DIMT1: variants seen among roughly 807,000 people sequenced by gnomAD.
The protein encoded by DIMT1 is dimethyladenosine transferase.
In DIMT1, 36 loss-of-function variants were observed where a neutral mutation model predicts 43.2. That is an observed-to-expected ratio of 0.83 (90% CI 0.64 to 1.10). DIMT1 has a LOEUF of 1.10. Among genes scored for constraint, DIMT1 ranks in the 50% least tolerant of loss-of-function variants. The pLI is 0.00. For synonymous variants in DIMT1, 126 were observed against 130.3 expected (o/e 0.97, Z 0.22); for missense variants, 341 against 385.3 (o/e 0.88, Z 0.96).
intron 6 of DIMT1, among the ~76,000 whole-genome samples, chr5:62,395,046 C>T (rs779226366): frequency 6.9e-6 from 1 of 143,968 alleles, no homozygotes; most frequent in Non-Finnish European, 1.5e-5. Flanking sequence ...TTTTTTGAGA[C>T]GGAGTTTCGC....
intron 9 of DIMT1, 78 bp downstream of exon 9, chr5:62,392,848 C>T: frequency 1.1e-6 from 1 of 937,372 alleles, no homozygotes; most frequent in South Asian, 1.5e-5. Context: ...AGGGTAGCTG[C>T]TCAGGAAAAG....
chr5:62,401,159 T>C (rs1003635550), intron 3 of DIMT1, among the ~76,000 whole-genome samples: 4 of 152,122 alleles, frequency 2.6e-5, no homozygotes, highest in Non-Finnish European at 4.4e-5. Flanking sequence ...ACCAGCATTA[T>C]AGGGTACAAA....
At chr5:62,392,325 C>A in intron 9 of DIMT1, 91 bp from the exon 10 acceptor site, 3 of 922,044 alleles carry the variant, frequency 3.3e-6, no homozygotes, top group Non-Finnish European at 3.4e-6. Flanking sequence ...AATACATAAG[C>A]CATTTAAGCA....
Position 62,392,187 on chromosome 5 carries a change from C to G in DIMT1, c.776G>C (p.Cys259Ser), listed in dbSNP as rs1580120038. Residue 259 changes from cysteine (C) to serine (S), a missense_variant, in exon 10 of 12, where the codon TGT (cysteine) becomes TCT (serine). Cys to Ser is a moderately radical substitution (Grantham distance 112). Coordinates refer to ENST00000199320, the MANE Select transcript of DIMT1 (RefSeq NM_014473.4). The stretch of plus-strand genomic sequence containing the variant: ...CTAACTTACAATATTATGGACTGAA[C>G]AGTGAATTCTGTAGTTTTTTTCCAA... ...QLLEKNYRIH[C>S]SVHNIIIPED... 3 of 1,613,520 alleles carry G rather than the reference C, an allele frequency of 1.9e-6. No homozygotes were observed. Among genetic ancestry groups the G allele is most frequent in the Non-Finnish European group, 2.5e-6 (3 of 1,179,730 alleles).
intron 11 of DIMT1, among the ~76,000 whole-genome samples, chr5:62,389,718 T>G (rs1742210715): frequency 6.6e-6 from 1 of 152,124 alleles, no homozygotes; most frequent in South Asian, 2.1e-4. Flanking sequence ...AAAACCAATC[T>G]TACATGCCCC....
At position 62,403,688 on chromosome 5, in the gene DIMT1, C is replaced by T; in HGVS notation, c.79+6G>A. 6.2e-7 allele frequency: 1 copy of T among 1,606,216 alleles called. No homozygotes were observed. Among genetic ancestry groups the T allele is most frequent in the Non-Finnish European group, 8.5e-7 (1 of 1,177,198 alleles). On this transcript the variant is annotated splice_donor_region_variant and intron_variant, in intron 1 of 11. Coordinates refer to ENST00000199320, the MANE Select transcript of DIMT1 (RefSeq NM_014473.4). Reference sequence around the variant, plus strand: ...CCGACCCCAGCTTCCTCGCGGGGATCCGCACCTCCAGCGCTCTTCAGCTCC... The same window carrying T: ...CCGACCCCAGCTTCCTCGCGGGGATTCGCACCTCCAGCGCTCTTCAGCTCC...
intron 3 of DIMT1, among the ~76,000 whole-genome samples, chr5:62,399,501 G>A (rs978654734): frequency 1.4e-4 from 15 of 106,760 alleles, no homozygotes; most frequent in Admixed American, 1.0e-3. Flanking sequence ...AATATTAGCT[G>A]GGCCTAGTGG....
Position 62,403,656 on chromosome 5 carries a change from G to C in DIMT1, c.79+38C>G, listed in dbSNP as rs1010519403. On this transcript the variant is annotated intron_variant, in intron 1 of 11. Coordinates refer to ENST00000199320, the MANE Select transcript of DIMT1 (RefSeq NM_014473.4). ...CAGGCTAGGTCCTGCCGGAAGACCT[G>C]ACCCGACCGACCCCAGCTTCCTCGC... The C allele has an allele frequency of 1.3e-5, 21 of 1,582,408 alleles. No individual in the cohort carries two copies. The African/African-American group carries it at 2.7e-4, about 20-fold the overall frequency.
intron 9 of DIMT1, among the ~76,000 whole-genome samples, chr5:62,392,497 C>CA (rs1251080446): frequency 2.1e-5 from 3 of 142,650 alleles, no homozygotes; most frequent in African/African-American, 2.6e-5. Context: ...AGACTCTCCA[C>CA]AAAAAATCCC....
In DIMT1 at chr5:62,389,012, A is replaced by G; in HGVS notation, c.940T>C (p.Ter314GlnextTer30). 8 of 1,609,204 alleles carry G rather than the reference A, an allele frequency of 5.0e-6. No homozygotes were observed. Among genetic ancestry groups the G allele is most frequent in the Non-Finnish European group, 6.8e-6 (8 of 1,178,546 alleles). Residue 314 changes from the stop codon to glutamine, a stop_lost, in exon 12 of 12, where the codon TAG (stop) becomes CAG (glutamine). Transcript: ENST00000199320. ...GAAAATTTCTGTTTTCCAAATACCT[A>G]GGAAAAATGAATACCTTCTGCGTTG... ...GFNAEGIHFS[*>Q] is the part of the protein sequence containing the mutation.
At chr5:62,391,377 CAAGCCT>C (rs1180738330) in intron 10 of DIMT1, 1 of 169,364 alleles carries the variant, frequency 5.9e-6, no homozygotes, top group Non-Finnish European at 1.3e-5. Context: ...GTGACCTGCC[CAAGCCT>C]TGGGAATATT....
intron 3 of DIMT1, 85 bp downstream of exon 3, chr5:62,401,951 T>C: frequency 7.8e-7 from 1 of 1,288,332 alleles, no homozygotes; most frequent in South Asian, 1.3e-5. Context: ...ATAATAGCAA[T>C]TAGTTAAAAC....
At chr5:62,389,597 AT>A (rs1742205621) in intron 11 of DIMT1, among the ~76,000 whole-genome samples, 3 of 152,140 alleles carry the variant, frequency 2.0e-5, no homozygotes, top group Admixed American at 1.3e-4. Flanking sequence ...GTCGTAATGA[AT>A]TTGACTAAAA....
rs1448008452 is a variant in DIMT1, at chr5:62,394,524, A to C, written c.530T>G (p.Ile177Ser). Residue 177 changes from isoleucine (I) to serine (S), a missense_variant, in exon 7 of 12, where the codon ATT becomes AGT. Ile to Ser is a moderately radical substitution (Grantham distance 142). Transcript: ENST00000199320. Reference sequence around the variant, plus strand: ...CACACGTGCCAACAGCTGTGTATTAATTGAGAGTCTGCAGTATAACTTATC... The same window carrying C: ...CACACGTGCCAACAGCTGTGTATTACTTGAGAGTCTGCAGTATAACTTATC... ...PGDKLYCRLS[I>S]NTQLLARVDH... 3.1e-6 allele frequency: 5 copies of C among 1,614,240 alleles called. No homozygotes were observed. The Middle Eastern group carries it at 4.9e-4, about 160-fold the overall frequency.
chr5:62,403,630 C>A, intron 1 of DIMT1, 64 bp downstream of exon 1: 1 of 1,540,544 alleles, frequency 6.5e-7, no homozygotes. Context: ...GGTCCGCACC[C>A]CAGGCTAGGT....
At chr5:62,393,104 G>A (rs1048577814) in intron 8 of DIMT1, 114 bp from the exon 9 acceptor site, 8 of 586,684 alleles carry the variant, frequency 1.4e-5, no homozygotes, top group Admixed American at 6.7e-5. Context: ...TTTCTGAAGT[G>A]AAGAAAATGT....
At chr5:62,400,393 G>A (rs181458457) in intron 3 of DIMT1, among the ~76,000 whole-genome samples, 129 of 152,122 alleles carry the variant, frequency 8.5e-4, no homozygotes, top group African/African-American at 2.8e-3. Context: ...GACCACAGGT[G>A]TGTACCAGCA....
intron 2 of DIMT1, 78 bp downstream of exon 2, chr5:62,403,195 A>G: frequency 7.7e-7 from 1 of 1,295,014 alleles, no homozygotes; most frequent in Non-Finnish European, 1.1e-6. Flanking sequence ...TACGGCAGGC[A>G]GACTTTCTGC....
chr5:62,392,827 CTT>C (rs1047197144), intron 9 of DIMT1, 97 bp downstream of exon 9: 3 of 724,044 alleles, frequency 4.1e-6, no homozygotes, highest in Non-Finnish European at 7.0e-6. Context: ...GACCCATAAT[CTT>C]TATGCTTTAG....
Sources: gnomAD v4.1 joint callset for allele counts (sites outside exome capture counted in the v4.1 genomes callset) on GRCh38, gnomAD v4.1.1 for gene constraint, MANE v1.5 for transcripts, NCBI Gene and HGNC (gene_info 2026-07-23, HGNC 2026-07-21) for gene names.